Variants in CSRNP3 observed in about 807,000 individuals in gnomAD.
CSRNP3 encodes cysteine/serine-rich nuclear protein 3.
Under a neutral mutation model 48.0 loss-of-function variants are expected in CSRNP3, and 12 were observed. The observed-to-expected ratio is 0.25, with a 90% CI of 0.16 to 0.41. CSRNP3 has a LOEUF of 0.41. Ranked by LOEUF, CSRNP3 falls within the 10% of genes least tolerant of loss-of-function variation. The pLI is 1.00. For synonymous variants in CSRNP3, 263 were observed against 269.7 expected, an observed-to-expected ratio of 0.98 and a Z score of 0.24; for missense variants, 580 against 724.4, an observed-to-expected ratio of 0.80 and a Z score of 2.29.
intron 4 of CSRNP3, among the ~76,000 whole-genome samples, chr2:165,608,873 G>C (rs1210226059): frequency 6.9e-6 from 1 of 145,048 alleles, no homozygotes; most frequent in African/African-American, 2.6e-5. Flanking sequence ...GGCAGATCAC[G>C]AGGTCAGGAG....
chr2:165,658,536 T>C (rs548649535), intron 5 of CSRNP3, among the ~76,000 whole-genome samples: 32 of 152,264 alleles, frequency 2.1e-4, no homozygotes, highest in African/African-American at 7.7e-4. Context: ...GGCAAGAGCA[T>C]TTCAGATATC....
chr2:165,639,282 A>T (rs1166016708), intron 4 of CSRNP3, among the ~76,000 whole-genome samples: 3 of 152,210 alleles, frequency 2.0e-5, no homozygotes, highest in Non-Finnish European at 4.4e-5. Flanking sequence ...TTACAGTAGG[A>T]GAGCTGAAAT....
At chr2:165,534,120 G>A (rs1684851781) in intron 3 of CSRNP3, among the ~76,000 whole-genome samples, 1 of 152,004 alleles carries the variant, frequency 6.6e-6, no homozygotes, top group South Asian at 2.1e-4. Flanking sequence ...GCTTTCTCAA[G>A]TAAAGGAAAT....
At chr2:165,555,517 A>G (rs917141381) in intron 3 of CSRNP3, among the ~76,000 whole-genome samples, 44 of 152,128 alleles carry the variant, frequency 2.9e-4, no homozygotes, top group African/African-American at 1.1e-3. Flanking sequence ...GAGGCCTCTA[A>G]ATGGCTTGCC....
intron 2 of CSRNP3, among the ~76,000 whole-genome samples, chr2:165,504,782 G>C (rs771473271): frequency 2.6e-5 from 4 of 152,032 alleles, no homozygotes; most frequent in Non-Finnish European, 4.4e-5. Context: ...CATGACTGAA[G>C]AAATACAAAT....
intron 3 of CSRNP3, among the ~76,000 whole-genome samples, chr2:165,530,768 CT>C (rs1466283432): frequency 6.6e-6 from 1 of 151,972 alleles, no homozygotes; most frequent in African/African-American, 2.4e-5. Flanking sequence ...AAATAAATAT[CT>C]ACAAATTTGT....
At chr2:165,535,976 G>A (rs1309096509) in intron 3 of CSRNP3, among the ~76,000 whole-genome samples, 1 of 151,852 alleles carries the variant, frequency 6.6e-6, no homozygotes, top group East Asian at 1.9e-4. Flanking sequence ...TCAGAAAAAT[G>A]TACACAAAAG....
Position 165,680,440 on chromosome 2 carries a change from G to A in CSRNP3, c.*687G>A, listed in dbSNP as rs1687514761. 1 of 152,556 alleles carries A rather than the reference G, an allele frequency of 6.6e-6. No homozygotes were observed. The highest frequency in any genetic ancestry group is 2.4e-5 in the African/African-American group (1 of 41,408). 9.5% of individuals were successfully genotyped at this position (152,556 alleles called of 1,614,324 possible). ...CAAATAAATGATTCTATATGTGCAG[G>A]TCCTTACACAGTTTTCTCTAAAGTT... On this transcript the variant is annotated 3_prime_UTR_variant, in exon 7 of 7. Coordinates refer to ENST00000651982, the MANE Select transcript of CSRNP3 (RefSeq NM_001172173.2).
Position 165,679,297 on chromosome 2 carries a change from T to G in CSRNP3, c.1302T>G (p.Thr434=). Residue 434 remains threonine (T), a synonymous_variant, in exon 7 of 7, where the codon ACT becomes ACG. Coordinates refer to ENST00000651982, the MANE Select transcript of CSRNP3 (RefSeq NM_001172173.2). ...KNASFYANSS[T]LYYQIDSHIP... ...CTTCTTTTTATGCCAACTCTTCAAC[T>G]CTGTATTACCAAATAGATAGCCACA... 6.2e-7 allele frequency: 1 copy of G among 1,613,882 alleles called. No homozygotes were observed. The highest frequency in any genetic ancestry group is 8.5e-7 in the Non-Finnish European group (1 of 1,179,934).
chr2:165,662,678 T>C (rs1485667866), intron 5 of CSRNP3, among the ~76,000 whole-genome samples: 1 of 152,226 alleles, frequency 6.6e-6, no homozygotes, highest in Non-Finnish European at 1.5e-5. Flanking sequence ...AACATTGGTG[T>C]TCCAATTGCC....
intron 3 of CSRNP3, among the ~76,000 whole-genome samples, chr2:165,592,032 G>C (rs572484685): frequency 6.6e-6 from 1 of 152,190 alleles, no homozygotes; most frequent in Non-Finnish European, 1.5e-5. Context: ...ATGTCAGCCC[G>C]TAAAAGCAGC....
chr2:165,565,686 C>T (rs1685288271), intron 3 of CSRNP3, among the ~76,000 whole-genome samples: 1 of 151,934 alleles, frequency 6.6e-6, no homozygotes, highest in African/African-American at 2.4e-5. Flanking sequence ...CAGCCACTAG[C>T]ATTAATAGCA....
chr2:165,668,327 G>T (rs1347450750), intron 5 of CSRNP3, among the ~76,000 whole-genome samples: 2 of 151,670 alleles, frequency 1.3e-5, no homozygotes, highest in Non-Finnish European at 2.9e-5. Flanking sequence ...TTGTATCTTT[G>T]GTTTGCTCTC....
chr2:165,574,236 ACTG>A (rs767232073), intron 3 of CSRNP3: 2 of 657,378 alleles, frequency 3.0e-6, no homozygotes, highest in East Asian at 2.9e-5. Context: ...GGAGGCTTTG[ACTG>A]CAGAAGCGAG....
chr2:165,666,861 GAGTA>G lies in CSRNP3; in HGVS notation c.408+8844_408+8847del, dbSNP rs1259942827. On this transcript the variant is annotated intron_variant, in intron 5 of 6. Transcript: ENST00000651982. ...AAGGAAGGAAGGGAGGAAAGAGAGA[GAGTA>G]AGAAAGAGAGAGAGGAAGAAGGAAA... Among the ~76,000 whole-genome samples, 216 of 119,014 alleles carry G rather than the reference GAGTA, an allele frequency of 1.8e-3. 7 individuals carry two copies. The highest frequency in any genetic ancestry group is 5.7e-3 in the Middle Eastern group (1 of 176). The allele number at this position is 119,014 out of a possible 152,430, so 78.1% of individuals were successfully genotyped here.
chr2:165,486,038 TTCATCTCACTA>T (rs1346048470), intron 1 of CSRNP3, among the ~76,000 whole-genome samples: 2 of 152,046 alleles, frequency 1.3e-5, no homozygotes, highest in African/African-American at 4.8e-5. Context: ...AGGTACCGGG[TTCATCTCACTA>T]GGGAGTGCCA....
intron 4 of CSRNP3, among the ~76,000 whole-genome samples, chr2:165,617,686 G>C (rs189761704): frequency 6.6e-6 from 1 of 152,330 alleles, no homozygotes. Flanking sequence ...CGCATATGCA[G>C]GTGTGTGGTG....
chr2:165,551,690 T>C (rs1053627769), intron 3 of CSRNP3, among the ~76,000 whole-genome samples: 1 of 152,166 alleles, frequency 6.6e-6, no homozygotes, highest in South Asian at 2.1e-4. Flanking sequence ...AAATAAAGTA[T>C]GTTTAATAAA....
At chr2:165,674,321 C>A (rs1020402730) in intron 5 of CSRNP3, among the ~76,000 whole-genome samples, 1 of 151,998 alleles carries the variant, frequency 6.6e-6, no homozygotes, top group Non-Finnish European at 1.5e-5. Context: ...GTTACTACAG[C>A]TTTACCTATC....
Sources: allele counts gnomAD v4.1 joint callset (sites outside exome capture counted in the v4.1 genomes callset), GRCh38; gene constraint gnomAD v4.1.1; transcripts MANE v1.5; gene names NCBI Gene and HGNC (gene_info 2026-07-23, HGNC 2026-07-21).